The following NBEA variants were observed in gnomAD, a reference collection of about 807,000 sequenced individuals.
The protein encoded by NBEA is lysosomal-trafficking regulator 2.
A neutral mutation model predicts 343.4 loss-of-function variants in NBEA; 44 were observed. The ratio of observed to expected loss-of-function variants is 0.13; its 90% CI spans 0.10 to 0.16. The LOEUF is 0.16. Among genes scored for constraint, NBEA ranks in the 10% least tolerant of loss-of-function variants. The probability of loss-of-function intolerance (pLI) is 1.00; values close to 1 mark genes in which losing one functional copy is unlikely to be tolerated. For missense variants in NBEA, 2,555 were observed against 3,631.3 expected, an observed-to-expected ratio of 0.70 and a Z score of 7.62; for synonymous variants, 1,175 against 1,238.7, an observed-to-expected ratio of 0.95 and a Z score of 1.08.
At chr13:35,649,877 A>C (rs2084430414) in intron 52 of NBEA, 30 bp downstream of exon 52, 2 of 1,594,024 alleles carry the variant, frequency 1.3e-6, no homozygotes, top group African/African-American at 1.4e-5. Context: ...TCACTTACTA[A>C]AGATTTCTTA....
At chr13:35,047,229 AT>A (rs953765823) in intron 4 of NBEA, among the ~76,000 whole-genome samples, 1 of 130,524 alleles carries the variant, frequency 7.7e-6, no homozygotes, top group African/African-American at 3.0e-5. Context: ...GTGTGTGTGT[AT>A]TTTTTTTAAC....
At chr13:35,550,358 A>C in intron 41 of NBEA, 119 bp from the exon 42 acceptor site, 1 of 595,524 alleles carries the variant, frequency 1.7e-6, no homozygotes, top group East Asian at 3.0e-5. Flanking sequence ...ATTATTGACA[A>C]TGTTGTGACA....
chr13:35,342,531 G>A (rs968959605), intron 36 of NBEA, among the ~76,000 whole-genome samples: 1 of 151,934 alleles, frequency 6.6e-6, no homozygotes, highest in South Asian at 2.1e-4. Flanking sequence ...AAGGAGAAAA[G>A]TATGCAAACA....
chr13:35,173,634 G>GA (rs940102274), intron 27 of NBEA, 40 bp downstream of exon 27: 5 of 1,570,796 alleles, frequency 3.2e-6, no homozygotes, highest in Non-Finnish European at 4.3e-6. Context: ...TAATTTACCT[G>GA]AAAAAAATCT....
intron 47 of NBEA, among the ~76,000 whole-genome samples, chr13:35,602,075 C>T (rs1052625218): frequency 2.6e-5 from 4 of 152,122 alleles, no homozygotes; most frequent in Admixed American, 2.0e-4. Context: ...ATGTTACCTG[C>T]TGGTTTAAAA....
chr13:35,070,453 A>G (rs891614253), intron 9 of NBEA, among the ~76,000 whole-genome samples: 8 of 152,092 alleles, frequency 5.3e-5, no homozygotes, highest in Admixed American at 4.6e-4. Flanking sequence ...CTTTAAATCC[A>G]TCAATAGTAT....
intron 37 of NBEA, 60 bp downstream of exon 37, chr13:35,349,276 C>A: frequency 2.3e-6 from 2 of 866,326 alleles, no homozygotes; most frequent in African/African-American, 1.7e-5. Context: ...AATCACCTAT[C>A]TGTGACCTTA....
intron 34 of NBEA, among the ~76,000 whole-genome samples, chr13:35,279,617 T>C (rs2034904973): frequency 6.6e-6 from 1 of 152,198 alleles, no homozygotes; most frequent in African/African-American, 2.4e-5. Context: ...TTAGAAAGTA[T>C]ACAGACAGAG....
intron 1 of NBEA, among the ~76,000 whole-genome samples, chr13:34,994,198 CAAAAAAAAAAAAAAAA>C (rs57966701): frequency 6.7e-5 from 2 of 29,922 alleles, no homozygotes; most frequent in Non-Finnish European, 1.8e-4. Context: ...GCTCTGTCTC[CAAAAAAAAAAAAAAAA>C]AAAAAAAAAA....
At chr13:35,433,752 T>G (rs967564469) in intron 39 of NBEA, among the ~76,000 whole-genome samples, 3 of 152,018 alleles carry the variant, frequency 2.0e-5, no homozygotes, top group Non-Finnish European at 2.9e-5. Context: ...CACCTAAGGA[T>G]AATAGCCCTC....
chr13:35,559,728 A>C (rs2079763760), intron 44 of NBEA, among the ~76,000 whole-genome samples: 1 of 152,116 alleles, frequency 6.6e-6, no homozygotes, highest in South Asian at 2.1e-4. Flanking sequence ...ATCCTGGCTA[A>C]CACGGTGAAA....
At chr13:35,172,454 GATATAT>G (rs150142004) in intron 26 of NBEA, among the ~76,000 whole-genome samples, 3 of 151,070 alleles carry the variant, frequency 2.0e-5, no homozygotes, top group Non-Finnish European at 4.4e-5. Context: ...GTGAGAAAGA[GATATAT>G]ATATATATTT....
intron 41 of NBEA, among the ~76,000 whole-genome samples, chr13:35,528,654 AAGCAGTACTG>A (rs1285572048): frequency 6.6e-6 from 1 of 152,216 alleles, no homozygotes; most frequent in African/African-American, 2.4e-5. Flanking sequence ...TGCAGTAGCA[AAGCAGTACTG>A]AGCAGACTAA....
At chr13:35,218,020 A>T (rs1440925853) in intron 33 of NBEA, among the ~76,000 whole-genome samples, 1 of 152,044 alleles carries the variant, frequency 6.6e-6, no homozygotes, top group South Asian at 2.1e-4. Context: ...TTTGAACTAC[A>T]GTCTCAGTCG....
At position 35,355,452 on chromosome 13, in the gene NBEA, G is replaced by A. The variant is rs896185269; in HGVS notation, c.6179+3129G>A. On this transcript the variant is annotated intron_variant, in intron 38 of 58. Coordinates refer to ENST00000379939, the MANE Select transcript of NBEA (RefSeq NM_001385012.1). ...TAAAATTTAATTTAATGAAAAACGT[G>A]ATGCCTCAGTTGCACTAGCCAAATT... 2.6e-5 allele frequency among the ~76,000 whole-genome samples: 4 copies of A among 152,206 alleles called. No homozygotes were observed. The South Asian group carries it at 8.3e-4, about 32-fold the overall frequency.
intron 48 of NBEA, among the ~76,000 whole-genome samples, chr13:35,608,147 A>G (rs1257562788): frequency 1.3e-5 from 2 of 152,056 alleles, no homozygotes; most frequent in African/African-American, 4.8e-5. Flanking sequence ...TAATATACCT[A>G]TGCTTAAAAG....
At chr13:35,546,490 A>G (rs1043015709) in intron 41 of NBEA, among the ~76,000 whole-genome samples, 3 of 152,012 alleles carry the variant, frequency 2.0e-5, no homozygotes, top group Non-Finnish European at 4.4e-5. Flanking sequence ...ATAGAGTTAC[A>G]TGATAACTCT....
chr13:35,501,731 G>A (rs1384193314), intron 41 of NBEA, among the ~76,000 whole-genome samples: 3 of 152,062 alleles, frequency 2.0e-5, no homozygotes, highest in Admixed American at 1.3e-4. Flanking sequence ...TATGGTAAAT[G>A]TAATTCTTGC....
chr13:35,193,747 A>C (rs2072373987), intron 30 of NBEA, among the ~76,000 whole-genome samples: 1 of 151,972 alleles, frequency 6.6e-6, no homozygotes, highest in African/African-American at 2.4e-5. Context: ...TTGGTCATCC[A>C]ATATGAATGT....
Sources: allele counts gnomAD v4.1 joint callset (sites outside exome capture counted in the v4.1 genomes callset), GRCh38; gene constraint gnomAD v4.1.1; transcripts MANE v1.5; gene names NCBI Gene and HGNC (gene_info 2026-07-23, HGNC 2026-07-21).